The following FANK1 variants were observed in gnomAD, a reference collection of about 807,000 sequenced individuals.
The protein encoded by FANK1 is fibronectin type III and ankyrin repeat domains 1, also known as fibronectin type 3 and ankyrin repeat domains protein 1.
In FANK1, 44 loss-of-function variants were observed where a neutral mutation model predicts 45.3. That is an observed-to-expected ratio of 0.97 (90% CI 0.76 to 1.25). The LOEUF is 1.25. FANK1 is among the 50% of genes most tolerant of loss of function. The pLI is 0.00. For missense variants in FANK1, 391 were observed against 424.4 expected, an observed-to-expected ratio of 0.92 and a Z score of 0.69; for synonymous variants, 149 against 152.5, an observed-to-expected ratio of 0.98 and a Z score of 0.17.
chr10:125,949,372 A>G (rs1384235714), intron 1 of FANK1, among the ~76,000 whole-genome samples: 2 of 152,132 alleles, frequency 1.3e-5, no homozygotes, highest in South Asian at 2.1e-4. Context: ...AGAAAACCCC[A>G]TTGTCTCAGC....
At chr10:125,965,383 A>G (rs770377659) in intron 1 of FANK1, among the ~76,000 whole-genome samples, 2 of 152,232 alleles carry the variant, frequency 1.3e-5, no homozygotes, top group Non-Finnish European at 2.9e-5. Flanking sequence ...CTGTGAATAT[A>G]TTTTAGACTT....
At chr10:125,901,755 C>T (rs1945054039) in intron 1 of FANK1, among the ~76,000 whole-genome samples, 1 of 152,238 alleles carries the variant, frequency 6.6e-6, no homozygotes, top group Non-Finnish European at 1.5e-5. Flanking sequence ...GTGGTGCCCC[C>T]TCTCTGATGT....
At chr10:126,005,604 A>C (rs1246383223) in intron 7 of FANK1, among the ~76,000 whole-genome samples, 1 of 152,108 alleles carries the variant, frequency 6.6e-6, no homozygotes, top group African/African-American at 2.4e-5. Flanking sequence ...CACCGTGCCC[A>C]GCCTGATGTT....
intron 8 of FANK1, 112 bp from the exon 9 acceptor site, chr10:126,008,942 T>A (rs758155644): frequency 1.7e-5 from 16 of 957,270 alleles, no homozygotes; most frequent in Non-Finnish European, 2.2e-5. Flanking sequence ...CAGTGGTCTT[T>A]TGGGGTTGCA....
chr10:125,999,709 G>A lies in FANK1; in HGVS notation c.539+2224G>A, dbSNP rs1171036708. On this transcript the variant is annotated intron_variant, in intron 6 of 10. Coordinates refer to ENST00000368693, the MANE Select transcript of FANK1 (RefSeq NM_145235.5). ...CTTGGGCAGGCTACCTAACCTCTCC[G>A]TATCTCAGTTTCATGTCTGTAAAAT... 5.3e-5 allele frequency among the ~76,000 whole-genome samples: 8 copies of A among 152,064 alleles called. No individual in the cohort carries two copies. The East Asian group carries it at 5.8e-4, about 11-fold the overall frequency.
At chr10:125,954,601 C>A (rs1239987694) in intron 1 of FANK1, among the ~76,000 whole-genome samples, 1 of 151,408 alleles carries the variant, frequency 6.6e-6, no homozygotes, top group Non-Finnish European at 1.5e-5. Flanking sequence ...CTGTACTGGG[C>A]AAAATTGATT....
intron 2 of FANK1, among the ~76,000 whole-genome samples, chr10:125,987,547 AC>A (rs1951647182): frequency 6.9e-6 from 1 of 145,342 alleles, no homozygotes; most frequent in African/African-American, 2.6e-5. Context: ...ACACACACAC[AC>A]CCTCTCAAAA....
rs150309099 is a variant in FANK1, at chr10:125,984,993, C to T, written c.192-3558C>T. 5.6e-4 allele frequency among the ~76,000 whole-genome samples: 85 copies of T among 152,330 alleles called. No individual in the cohort carries two copies. The South Asian group carries it at 8.7e-3, about 16-fold the overall frequency. On this transcript the variant is annotated intron_variant, in intron 2 of 10. Transcript: ENST00000368693. ...AGAGTACCCTGGTGGGCAGTTGTGT[C>T]CTGGTCCCTGCTGTGGCTTTTGTCC...
intron 1 of FANK1, chr10:125,972,219 C>CTT (rs1308745618): frequency 2.0e-5 from 3 of 152,138 alleles, no homozygotes; most frequent in Non-Finnish European, 4.4e-5. Flanking sequence ...TAAGTGTTGC[C>CTT]GCATTGCAGT....
chr10:125,912,225 C>G (rs4440946), intron 1 of FANK1, among the ~76,000 whole-genome samples: 3 of 152,026 alleles, frequency 2.0e-5, no homozygotes, highest in Non-Finnish European at 4.4e-5. Flanking sequence ...CACTCCTCAT[C>G]GATTATTTGC....
chr10:126,001,147 G>A (rs903569269), intron 6 of FANK1, among the ~76,000 whole-genome samples: 1 of 152,162 alleles, frequency 6.6e-6, no homozygotes, highest in African/African-American at 2.4e-5. Flanking sequence ...ATGCAAATAC[G>A]ATTAGTAAGG....
In FANK1 at chr10:125,980,299, A is replaced by T. The variant is rs1951117415; in HGVS notation, c.152A>T (p.Glu51Val). 6.2e-7 allele frequency: 1 copy of T among 1,614,018 alleles called. No individual in the cohort carries two copies. The highest frequency in any genetic ancestry group is 1.3e-5 in the African/African-American group (1 of 74,924). Residue 51 changes from glutamate to valine, a missense_variant, in exon 2 of 11, where the codon GAA (glutamate) becomes GTA (valine). Transcript: ENST00000368693. The part of the protein sequence containing the change: ...QEQWFRFSIE[E>V]EDPKMHTYGI... ...CAGTGGTTCAGGTTCTCGATTGAAGAAGAAGACCCCAAAATGCACACTTAT... is the reference window on the plus strand; with the variant it reads ...CAGTGGTTCAGGTTCTCGATTGAAGTAGAAGACCCCAAAATGCACACTTAT...
chr10:125,966,113 T>C (rs1222502475), intron 1 of FANK1, among the ~76,000 whole-genome samples: 1 of 152,204 alleles, frequency 6.6e-6, no homozygotes, highest in Admixed American at 6.5e-5. Context: ...TTGTCTTTTA[T>C]TGTTTTTGCT....
chr10:125,952,019 T>C (rs920398863), intron 1 of FANK1, among the ~76,000 whole-genome samples: 1 of 152,218 alleles, frequency 6.6e-6, no homozygotes, highest in African/African-American at 2.4e-5. Context: ...GTGGCAATTT[T>C]GCATGCTGCT....
intron 1 of FANK1, among the ~76,000 whole-genome samples, chr10:125,951,647 A>G (rs1200954069): frequency 1.3e-5 from 2 of 152,230 alleles, no homozygotes; most frequent in East Asian, 3.9e-4. Flanking sequence ...TTAATGAAAC[A>G]GTTCTGCATA....
At chr10:125,938,670 A>G (rs1948255385) in intron 1 of FANK1, among the ~76,000 whole-genome samples, 1 of 152,138 alleles carries the variant, frequency 6.6e-6, no homozygotes, top group Admixed American at 6.5e-5. Flanking sequence ...TTAGCCGGAC[A>G]TGGTGGCAGG....
chr10:125,987,053 T>C lies in FANK1; in HGVS notation c.192-1498T>C, dbSNP rs193115053. Among the ~76,000 whole-genome samples the C allele has an allele frequency of 2.6e-5, 4 of 152,286 alleles. No homozygotes were observed. In the East Asian group the frequency reaches 7.7e-4, roughly 29 times the overall value. ...CCAGATCTGAAGTCAGGTTTTCAAGTGTTTATTAGTGATGCTAACTCCAGC... is the reference window on the plus strand; with the variant it reads ...CCAGATCTGAAGTCAGGTTTTCAAGCGTTTATTAGTGATGCTAACTCCAGC... On this transcript the variant is annotated intron_variant, in intron 2 of 10. Coordinates refer to ENST00000368693, the MANE Select transcript of FANK1 (RefSeq NM_145235.5).
intron 1 of FANK1, among the ~76,000 whole-genome samples, chr10:125,971,864 C>T (rs1274735321): frequency 6.6e-6 from 1 of 152,110 alleles, no homozygotes. Flanking sequence ...CTTTGTGATT[C>T]GTCCACCTTG....
intron 1 of FANK1, among the ~76,000 whole-genome samples, chr10:125,932,906 A>T (rs1190812363): frequency 6.6e-6 from 1 of 152,168 alleles, no homozygotes. Flanking sequence ...GAGAGTTTTA[A>T]TCATAAAGTG....
Sources: allele counts gnomAD v4.1 joint callset (sites outside exome capture counted in the v4.1 genomes callset), GRCh38; gene constraint gnomAD v4.1.1; transcripts MANE v1.5; gene names NCBI Gene and HGNC (gene_info 2026-07-23, HGNC 2026-07-21).